The following DCC variants were observed in gnomAD, a reference collection of about 807,000 sequenced individuals.
DCC encodes the protein netrin receptor DCC.
DCC carries 58 observed loss-of-function variants against 172.5 expected under a neutral mutation model. The observed-to-expected ratio is 0.34, with a 90% CI of 0.27 to 0.42. DCC has a LOEUF of 0.42. DCC is among the 10% of genes least tolerant of loss of function. The probability of loss-of-function intolerance (pLI) is 1.00; values close to 1 mark genes in which losing one functional copy is unlikely to be tolerated. For missense variants in DCC, 1,740 were observed against 1,791.0 expected, an observed-to-expected ratio of 0.97 and a Z score of 0.51; for synonymous variants, 709 against 644.5, an observed-to-expected ratio of 1.10 and a Z score of -1.52.
intron 27 of DCC, among the ~76,000 whole-genome samples, chr18:53,502,587 T>A (rs58484551): frequency 7.2e-5 from 11 of 152,214 alleles, no homozygotes; most frequent in African/African-American, 2.6e-4. Context: ...TCAAACCGAT[T>A]GATGAAGTAA....
intron 15 of DCC, among the ~76,000 whole-genome samples, chr18:53,376,784 C>G (rs759386736): frequency 6.6e-6 from 1 of 152,116 alleles, no homozygotes; most frequent in African/African-American, 2.4e-5. Context: ...TCTTTTCTCC[C>G]CTCTTGACTT....
chr18:53,461,934 A>G (rs2045564327), intron 24 of DCC, among the ~76,000 whole-genome samples: 1 of 152,208 alleles, frequency 6.6e-6, no homozygotes, highest in Admixed American at 6.5e-5. Context: ...AGTGAAATGG[A>G]ACGGTGGGAT....
In DCC at chr18:53,495,899, T is replaced by G. The variant is rs576540285; in HGVS notation, c.3899-3399T>G. ...TGATATCCTTTCTTCCCAAGCTGGC[T>G]CTCTAGATTCCTCGTCTCTGGGCAG... On this transcript the variant is annotated intron_variant, in intron 26 of 28. Transcript: ENST00000442544. Among the ~76,000 whole-genome samples the G allele has an allele frequency of 3.9e-5, 6 of 152,170 alleles. No individual in the cohort carries two copies. In the East Asian group the frequency reaches 7.8e-4, roughly 20 times the overall value.
chr18:53,154,140 A>C (rs1253391464), intron 7 of DCC, among the ~76,000 whole-genome samples: 1 of 152,148 alleles, frequency 6.6e-6, no homozygotes, highest in African/African-American at 2.4e-5. Context: ...TAGGTAGATA[A>C]ATACCCCTAT....
chr18:52,702,710 T>C (rs2036145228), intron 1 of DCC, among the ~76,000 whole-genome samples: 1 of 152,156 alleles, frequency 6.6e-6, no homozygotes, highest in Non-Finnish European at 1.5e-5. Flanking sequence ...CTAGCTCCCT[T>C]GGCCTTGTGG....
chr18:53,483,092 GAC>G (rs2045855472), intron 25 of DCC, among the ~76,000 whole-genome samples: 1 of 151,754 alleles, frequency 6.6e-6, no homozygotes, highest in African/African-American at 2.4e-5. Context: ...TCCTAGAAAA[GAC>G]ACAAAGACAA....
intron 22 of DCC, among the ~76,000 whole-genome samples, chr18:53,437,338 T>A (rs2145122431): frequency 6.6e-6 from 1 of 152,106 alleles, no homozygotes; most frequent in East Asian, 1.9e-4. Flanking sequence ...CCCAGCACTT[T>A]GGGAGGCCGA....
chr18:52,415,007 T>G (rs1568159285), intron 1 of DCC, among the ~76,000 whole-genome samples: 1 of 152,226 alleles, frequency 6.6e-6, no homozygotes, highest in Non-Finnish European at 1.5e-5. Context: ...AGAAATAAAA[T>G]CTGTGCGTCT....
intron 1 of DCC, among the ~76,000 whole-genome samples, chr18:52,440,102 T>G (rs1047413857): frequency 4.5e-4 from 69 of 152,292 alleles, no homozygotes; most frequent in Middle Eastern, 6.8e-3. Context: ...CAGAGTTTGC[T>G]CTTTCCCATG....
intron 20 of DCC, among the ~76,000 whole-genome samples, chr18:53,414,418 C>T (rs1910176870): frequency 6.6e-6 from 1 of 152,070 alleles, no homozygotes; most frequent in Non-Finnish European, 1.5e-5. Flanking sequence ...AAGTCTGTGG[C>T]TTTGAAGGTG....
intron 9 of DCC, among the ~76,000 whole-genome samples, chr18:53,193,630 G>T (rs758393021): frequency 1.4e-4 from 21 of 152,068 alleles, no homozygotes; most frequent in Non-Finnish European, 2.4e-4. Context: ...TGTTACCCAA[G>T]ATGTAATAGA....
Position 53,124,204 on chromosome 18 carries a change from C to A in DCC, c.1262-33152C>A, listed in dbSNP as rs533791874. Among the ~76,000 whole-genome samples, 78 of 152,094 alleles carry A rather than the reference C, an allele frequency of 5.1e-4. 1 individual carries two copies. The South Asian group carries it at 0.016, about 31-fold the overall frequency. ...TCTTTTAAAACACTTTTAGGTTTAA[C>A]TTTATTATTTAATACATGTTCAATC... On this transcript the variant is annotated intron_variant, in intron 7 of 28. Transcript: ENST00000442544.
intron 2 of DCC, among the ~76,000 whole-genome samples, chr18:52,836,037 C>A (rs2038698480): frequency 6.6e-6 from 1 of 152,116 alleles, no homozygotes; most frequent in South Asian, 2.1e-4. Flanking sequence ...GCAAACATGT[C>A]CTTCTTCACA....
chr18:52,884,502 T>C (rs2039541231), intron 2 of DCC, among the ~76,000 whole-genome samples: 1 of 152,194 alleles, frequency 6.6e-6, no homozygotes, highest in Non-Finnish European at 1.5e-5. Flanking sequence ...TTCTTCAATA[T>C]ATCAATTGCA....
At chr18:52,415,705 C>CT (rs1453928981) in intron 1 of DCC, among the ~76,000 whole-genome samples, 5 of 152,086 alleles carry the variant, frequency 3.3e-5, no homozygotes, top group Non-Finnish European at 7.4e-5. Context: ...TGGGGAACAG[C>CT]TTTTTGAAAC....
At position 52,813,423 on chromosome 18, in the gene DCC, T is replaced by C. The variant is rs2038235696; in HGVS notation, c.412+61049T>C. ...GCACATGAGATGACTCTTGACATTCTGTATGCAAAGTGGGTCTCATCTGGA... is the reference window on the plus strand; with the variant it reads ...GCACATGAGATGACTCTTGACATTCCGTATGCAAAGTGGGTCTCATCTGGA... On this transcript the variant is annotated intron_variant, in intron 2 of 28. Transcript: ENST00000442544. Among the ~76,000 whole-genome samples, 2 of 152,210 alleles carry C rather than the reference T, an allele frequency of 1.3e-5. 1 individual carries two copies. The highest frequency in any genetic ancestry group is 4.1e-4 in the South Asian group (2 of 4,828).
intron 15 of DCC, among the ~76,000 whole-genome samples, chr18:53,343,842 G>A (rs1042471669): frequency 2.4e-4 from 36 of 151,826 alleles, no homozygotes; most frequent in African/African-American, 8.2e-4. Flanking sequence ...ACAGATATAG[G>A]TCTGATTTGC....
intron 15 of DCC, among the ~76,000 whole-genome samples, chr18:53,344,015 T>C (rs965313589): frequency 1.3e-4 from 19 of 151,992 alleles, no homozygotes; most frequent in Non-Finnish European, 2.7e-4. Context: ...TGTTCCTGTC[T>C]TTTTTTTGTG....
At chr18:52,882,237 C>A (rs2039497176) in intron 2 of DCC, among the ~76,000 whole-genome samples, 4 of 151,914 alleles carry the variant, frequency 2.6e-5, no homozygotes, top group Admixed American at 2.0e-4. Flanking sequence ...CATCTAGAAA[C>A]AATTTTGGGT....
Sources: allele counts gnomAD v4.1 joint callset (sites outside exome capture counted in the v4.1 genomes callset), GRCh38; gene constraint gnomAD v4.1.1; transcripts MANE v1.5; gene names NCBI Gene and HGNC (gene_info 2026-07-23, HGNC 2026-07-21).